Variants in MGAT4C observed in about 807,000 individuals in gnomAD.
The protein encoded by MGAT4C is MGAT4 family member C.
Under a neutral mutation model 40.1 loss-of-function variants are expected in MGAT4C, and 19 were observed. The observed-to-expected ratio is 0.47, with a 90% confidence interval of 0.33 to 0.70. MGAT4C has a LOEUF of 0.70. MGAT4C is among the 30% of genes least tolerant of loss of function. The pLI is 0.02. For missense variants in MGAT4C, 491 were observed against 563.2 expected, an observed-to-expected ratio of 0.87 and a Z score of 1.30; for synonymous variants, 181 against 187.1, an observed-to-expected ratio of 0.97 and a Z score of 0.27.
At chr12:86,422,655 C>T (rs1956850353) in intron 3 of MGAT4C, among the ~76,000 whole-genome samples, 1 of 152,116 alleles carries the variant, frequency 6.6e-6, no homozygotes. Flanking sequence ...ATTTCTATTT[C>T]CTTTTTATAA....
intron 1 of MGAT4C, among the ~76,000 whole-genome samples, chr12:86,787,117 A>T (rs756760221): frequency 1.7e-4 from 26 of 152,266 alleles, no homozygotes; most frequent in Non-Finnish European, 3.5e-4. Flanking sequence ...AGTAATGCAC[A>T]TTGCATACAT....
intron 2 of MGAT4C, among the ~76,000 whole-genome samples, chr12:86,014,919 C>A (rs1241522831): frequency 2.6e-5 from 4 of 151,264 alleles, no homozygotes; most frequent in African/African-American, 9.7e-5. Flanking sequence ...GTAGCTGGGA[C>A]TACTGGCATG....
At chr12:86,257,140 T>C (rs1461116912), upstream of MGAT4C, among the ~76,000 whole-genome samples, 1 of 152,210 alleles carries the variant, frequency 6.6e-6, no homozygotes, top group Non-Finnish European at 1.5e-5. Flanking sequence ...AAAGCTACTC[T>C]ATGATATAGT....
intron 4 of MGAT4C, among the ~76,000 whole-genome samples, chr12:86,264,572 T>G (rs1029376116): frequency 2.6e-5 from 4 of 152,126 alleles, no homozygotes; most frequent in African/African-American, 9.7e-5. Flanking sequence ...GCCTCCTGCT[T>G]CCCAGGTGAA....
intron 1 of MGAT4C, among the ~76,000 whole-genome samples, chr12:86,109,578 C>T (rs1046833530): frequency 1.3e-5 from 2 of 151,720 alleles, no homozygotes; most frequent in African/African-American, 4.8e-5. Flanking sequence ...ATAATTATCA[C>T]TATTATTCTG....
chr12:86,167,017 C>T (rs1038792316), intron 1 of MGAT4C, among the ~76,000 whole-genome samples: 1 of 152,084 alleles, frequency 6.6e-6, no homozygotes, highest in African/African-American at 2.4e-5. Flanking sequence ...GGTAAATTAT[C>T]TCATATACTT....
chr12:86,708,838 C>A (rs1261074350), intron 2 of MGAT4C, among the ~76,000 whole-genome samples: 2 of 152,184 alleles, frequency 1.3e-5, no homozygotes, highest in Non-Finnish European at 2.9e-5. Context: ...TTTCCCCACA[C>A]CTGTATCCCC....
intron 1 of MGAT4C, among the ~76,000 whole-genome samples, chr12:86,787,421 C>A (rs898367601): frequency 6.6e-6 from 1 of 151,826 alleles, no homozygotes; most frequent in South Asian, 2.1e-4. Context: ...GTGAATAGTG[C>A]TGCAATAAAT....
intron 2 of MGAT4C, among the ~76,000 whole-genome samples, chr12:86,707,526 T>C (rs1171797896): frequency 1.3e-5 from 2 of 150,354 alleles, no homozygotes; most frequent in East Asian, 3.9e-4. Context: ...AATTTTTCTT[T>C]TCTTTTTTTT....
chr12:86,655,242 G>A (rs1991439), intron 2 of MGAT4C, among the ~76,000 whole-genome samples: 151,923 of 152,096 alleles, frequency 1, 75,877 homozygotes, highest in Middle Eastern at 1. Context: ...GTTGTGGAAG[G>A]CAGTGTGGTA....
intron 2 of MGAT4C, among the ~76,000 whole-genome samples, chr12:85,995,680 C>A (rs992494347): frequency 7.2e-5 from 11 of 152,084 alleles, no homozygotes; most frequent in African/African-American, 2.7e-4. Flanking sequence ...CCACCCTGGG[C>A]AACATAGTGA....
intron 1 of MGAT4C, among the ~76,000 whole-genome samples, chr12:86,053,286 C>T (rs539648908): frequency 2.0e-5 from 3 of 150,908 alleles, no homozygotes; most frequent in South Asian, 4.2e-4. Flanking sequence ...GACTAAGAGA[C>T]AAATTAATAA....
At chr12:86,222,447 G>A (rs888468010) in intron 1 of MGAT4C, among the ~76,000 whole-genome samples, 2 of 151,946 alleles carry the variant, frequency 1.3e-5, no homozygotes, top group African/African-American at 2.4e-5. Flanking sequence ...GACATTGAAC[G>A]AAATAAGAAA....
In MGAT4C at chr12:86,242,718, C is replaced by A. The variant is rs1951841241; in HGVS notation, c.-57+13521G>T. Among the ~76,000 whole-genome samples, 8 of 152,116 alleles carry A rather than the reference C, an allele frequency of 5.3e-5. No individual in the cohort carries two copies. The South Asian group carries it at 1.7e-3, about 32-fold the overall frequency. The stretch of plus-strand genomic sequence containing the variant: ...ATGGAGGAAGGGGGTGGCTGAAAAC[C>A]TAGCTGTCCCATCCAACCTTACCTT... On this transcript the variant is annotated intron_variant, in intron 1 of 4. Transcript: ENST00000611864.
chr12:86,534,705 T>G (rs1168467559), intron 2 of MGAT4C, among the ~76,000 whole-genome samples: 2 of 152,188 alleles, frequency 1.3e-5, no homozygotes, highest in Non-Finnish European at 2.9e-5. Context: ...CAAATTCATT[T>G]TGCCCTAGAG....
chr12:86,043,732 C>T (rs1892102924), intron 2 of MGAT4C, among the ~76,000 whole-genome samples: 1 of 152,192 alleles, frequency 6.6e-6, no homozygotes, highest in African/African-American at 2.4e-5. Flanking sequence ...TGTTTGCTTT[C>T]TCCCCCTCTC....
At chr12:86,482,101 CAA>C (rs1491562486) in intron 2 of MGAT4C, among the ~76,000 whole-genome samples, 17 of 149,884 alleles carry the variant, frequency 1.1e-4, no homozygotes, top group African/African-American at 4.2e-4. Flanking sequence ...CACACACACA[CAA>C]GCAAGTCTTC....
intron 2 of MGAT4C, among the ~76,000 whole-genome samples, chr12:86,003,321 T>C (rs1433884355): frequency 6.6e-6 from 1 of 152,202 alleles, no homozygotes; most frequent in Non-Finnish European, 1.5e-5. Flanking sequence ...CACATTTTTA[T>C]TCCACTTGGG....
chr12:85,983,752 A>G, intron 3 of MGAT4C, 82 bp from the exon 4 acceptor site: 1 of 1,131,836 alleles, frequency 8.8e-7, no homozygotes. Context: ...TTACACAATA[A>G]ATGTACGACT....
Sources: allele counts gnomAD v4.1 joint callset (sites outside exome capture counted in the v4.1 genomes callset), GRCh38; gene constraint gnomAD v4.1.1; transcripts MANE v1.5; gene names NCBI Gene and HGNC (gene_info 2026-07-23, HGNC 2026-07-21).